Variants in ROBO2 observed in about 807,000 individuals in gnomAD.
The protein encoded by ROBO2 is roundabout guidance receptor 2, also known as roundabout homolog 2.
ROBO2 carries 53 observed loss-of-function variants against 160.8 expected under a neutral mutation model. The observed-to-expected ratio is 0.33, with a 90% confidence interval of 0.26 to 0.41. The LOEUF (loss-of-function observed/expected upper bound fraction) is 0.41, where lower values mean the gene tolerates loss of function less well. ROBO2 is among the 10% of genes least tolerant of loss of function. The pLI, the probability that ROBO2 is intolerant of heterozygous loss-of-function variation, is 1.00. For synonymous variants in ROBO2, 664 were observed against 611.7 expected (o/e 1.09, Z -1.26); for missense variants, 1,577 against 1,722.4 (o/e 0.92, Z 1.49).
intron 2 of ROBO2, among the ~76,000 whole-genome samples, chr3:75,952,963 T>C (rs1948601986): frequency 6.6e-6 from 1 of 151,972 alleles, no homozygotes; most frequent in African/African-American, 2.4e-5. Context: ...GTGTCTTCTG[T>C]GGCTTGACAG....
chr3:77,551,316 C>G (rs1354462908), intron 8 of ROBO2, among the ~76,000 whole-genome samples: 1 of 151,956 alleles, frequency 6.6e-6, no homozygotes, highest in East Asian at 1.9e-4. Flanking sequence ...ATGATTGGCT[C>G]TACTAGACAT....
chr3:76,265,940 T>C (rs1425354984), intron 2 of ROBO2, among the ~76,000 whole-genome samples: 1 of 152,070 alleles, frequency 6.6e-6, no homozygotes, highest in Non-Finnish European at 1.5e-5. Context: ...AAACTCAGGG[T>C]AAGTAAGCTC....
At chr3:76,902,361 T>A (rs2075299961) in intron 2 of ROBO2, among the ~76,000 whole-genome samples, 1 of 152,070 alleles carries the variant, frequency 6.6e-6, no homozygotes, top group Admixed American at 6.6e-5. Context: ...AGTTTATTAG[T>A]TGTTTTGATA....
At chr3:76,775,383 T>C (rs925396795) in intron 2 of ROBO2, among the ~76,000 whole-genome samples, 1 of 150,868 alleles carries the variant, frequency 6.6e-6, no homozygotes, top group Non-Finnish European at 1.5e-5. Context: ...GAATAAACAT[T>C]GAAGCTTTGA....
chr3:76,558,123 T>C (rs1389177239), intron 2 of ROBO2, among the ~76,000 whole-genome samples: 1 of 152,064 alleles, frequency 6.6e-6, no homozygotes, highest in Non-Finnish European at 1.5e-5. Flanking sequence ...TCTGTTGTGA[T>C]AGTTGCCTTT....
chr3:77,642,248 G>A (rs1238717190), intron 24 of ROBO2, among the ~76,000 whole-genome samples: 1 of 152,168 alleles, frequency 6.6e-6, no homozygotes, highest in Non-Finnish European at 1.5e-5. Context: ...TCCCTTTGGA[G>A]ATTGGCAGGA....
intron 2 of ROBO2, among the ~76,000 whole-genome samples, chr3:77,462,019 C>A (rs2082299334): frequency 6.6e-6 from 1 of 152,152 alleles, no homozygotes; most frequent in South Asian, 2.1e-4. Flanking sequence ...AGCCACCACG[C>A]CTGGCCTGAT....
chr3:76,877,281 T>C (rs2072845192), intron 2 of ROBO2, among the ~76,000 whole-genome samples: 1 of 152,184 alleles, frequency 6.6e-6, no homozygotes, highest in Non-Finnish European at 1.5e-5. Flanking sequence ...CAAAAGATGG[T>C]AGTCTTAATC....
At chr3:77,411,727 A>G (rs1293333945) in intron 2 of ROBO2, among the ~76,000 whole-genome samples, 1 of 152,214 alleles carries the variant, frequency 6.6e-6, no homozygotes, top group Non-Finnish European at 1.5e-5. Context: ...TGTAAACTCT[A>G]TCTGGAAGGA....
chr3:76,704,716 A>G (rs2093123065), intron 2 of ROBO2, among the ~76,000 whole-genome samples: 1 of 152,064 alleles, frequency 6.6e-6, no homozygotes, highest in Admixed American at 6.6e-5. Flanking sequence ...GTTTTCTTGA[A>G]TCTTTTTAGA....
At chr3:77,558,959 G>A (rs140892438) in intron 9 of ROBO2, among the ~76,000 whole-genome samples, 78 of 152,100 alleles carry the variant, frequency 5.1e-4, no homozygotes, top group Middle Eastern at 3.4e-3. Context: ...TAGAGTTGCC[G>A]TCTCATCTGA....
At chr3:76,428,968 T>G (rs2076328489) in intron 2 of ROBO2, among the ~76,000 whole-genome samples, 1 of 152,186 alleles carries the variant, frequency 6.6e-6, no homozygotes, top group South Asian at 2.1e-4. Flanking sequence ...CTTCTCTAAC[T>G]TCTCACCTGG....
chr3:76,457,057 T>A (rs1043411006), intron 2 of ROBO2, among the ~76,000 whole-genome samples: 1 of 152,160 alleles, frequency 6.6e-6, no homozygotes, highest in African/African-American at 2.4e-5. Flanking sequence ...AACCATATCA[T>A]TCTGTCCCTG....
At chr3:76,677,526 C>T (rs1372803345) in intron 2 of ROBO2, among the ~76,000 whole-genome samples, 2 of 152,082 alleles carry the variant, frequency 1.3e-5, no homozygotes, top group African/African-American at 4.8e-5. Flanking sequence ...AGAAAATAAT[C>T]TGTAGAGAAA....
At chr3:76,560,630 A>G (rs993719945) in intron 2 of ROBO2, among the ~76,000 whole-genome samples, 8 of 149,856 alleles carry the variant, frequency 5.3e-5, no homozygotes, top group Non-Finnish European at 1.2e-4. Context: ...AAAAAAAAAA[A>G]GAAAAGAAAA....
chr3:77,640,172 G>C (rs1008383819), intron 24 of ROBO2, among the ~76,000 whole-genome samples: 6 of 132,548 alleles, frequency 4.5e-5, no homozygotes, highest in African/African-American at 8.7e-5. Context: ...AGTACAGTGG[G>C]GCGATCTCGG....
chr3:76,219,980 T>A (rs1159831913), intron 2 of ROBO2, among the ~76,000 whole-genome samples: 4 of 151,888 alleles, frequency 2.6e-5, no homozygotes, highest in Admixed American at 1.3e-4. Flanking sequence ...ATATACACCA[T>A]GGAATACTAT....
chr3:76,946,052 T>C (rs1188675347), intron 2 of ROBO2, among the ~76,000 whole-genome samples: 1 of 152,212 alleles, frequency 6.6e-6, no homozygotes, highest in East Asian at 1.9e-4. Context: ...TAAATATTCT[T>C]AAGCTGTGTT....
intron 2 of ROBO2, among the ~76,000 whole-genome samples, chr3:77,126,919 G>T (rs1362740019): frequency 6.6e-6 from 1 of 150,798 alleles, no homozygotes; most frequent in Non-Finnish European, 1.5e-5. Flanking sequence ...CTCCCGAGTA[G>T]CTGGGACTGC....
Sources: allele counts gnomAD v4.1 joint callset (sites outside exome capture counted in the v4.1 genomes callset), GRCh38; gene constraint gnomAD v4.1.1; transcripts MANE v1.5; gene names NCBI Gene and HGNC (gene_info 2026-07-23, HGNC 2026-07-21).